NOS1AP: variants seen among roughly 807,000 people sequenced by gnomAD.
NOS1AP encodes nitric oxide synthase 1 adaptor protein, also known as carboxyl-terminal PDZ ligand of neuronal nitric oxide synthase protein.
In NOS1AP, 21 loss-of-function variants were observed where a neutral mutation model predicts 56.2. The observed-to-expected ratio is 0.37, with a 90% CI of 0.26 to 0.54. The LOEUF is 0.54. Among genes scored for constraint, NOS1AP ranks in the 20% least tolerant of loss-of-function variants. NOS1AP has a pLI of 0.84. For missense variants in NOS1AP, 522 were observed against 657.8 expected (o/e 0.79, Z 2.26); for synonymous variants, 270 against 274.6 (o/e 0.98, Z 0.17).
rs375467260 is a variant in NOS1AP at position 162,291,972 on chromosome 1, G to A, written c.270+4536G>A. 1.1e-4 allele frequency among the ~76,000 whole-genome samples: 16 copies of A among 152,286 alleles called. No individual in the cohort carries two copies. The East Asian group carries it at 3.1e-3, about 29-fold the overall frequency. ...AAGACTAGTCTTGAACTTCATCCAA[G>A]GGATTTTTCTAATAAAGGACCCAAA... On this transcript the variant is annotated intron_variant, in intron 3 of 9. Coordinates refer to ENST00000361897, the MANE Select transcript of NOS1AP (RefSeq NM_014697.3).
chr1:162,070,082 G>T lies in NOS1AP; in HGVS notation c.-96G>T. On this transcript the variant is annotated 5_prime_UTR_variant, in exon 1 of 10. Coordinates refer to ENST00000361897, the MANE Select transcript of NOS1AP (RefSeq NM_014697.3). ...CCAGCGCTCCCAGGCCCCGCCACGC[G>T]TCGCCGCGCCCAGCTCCAGTCTCCC... 2 of 1,014,418 alleles carry T rather than the reference G, an allele frequency of 2.0e-6. No individual in the cohort carries two copies. The highest frequency in any genetic ancestry group is 4.0e-5 in the Admixed American group (2 of 50,446). 62.8% of individuals were successfully genotyped at this position (1,014,418 alleles called of 1,614,324 possible).
intron 3 of NOS1AP, among the ~76,000 whole-genome samples, chr1:162,297,414 C>T (rs1655500466): frequency 6.6e-6 from 1 of 152,210 alleles, no homozygotes. Context: ...GAGGTGGGCC[C>T]TGGCCTGAGA....
intron 2 of NOS1AP, among the ~76,000 whole-genome samples, chr1:162,185,914 G>A (rs1050615584): frequency 6.6e-6 from 1 of 152,174 alleles, no homozygotes; most frequent in East Asian, 1.9e-4. Flanking sequence ...GAGTTACTGA[G>A]GTTCTGAGAT....
chr1:162,333,932 A>G (rs1459643622), intron 5 of NOS1AP, among the ~76,000 whole-genome samples: 1 of 152,200 alleles, frequency 6.6e-6, no homozygotes, highest in African/African-American at 2.4e-5. Flanking sequence ...ATGTGTTAAT[A>G]TCCTGGGAAC....
intron 2 of NOS1AP, among the ~76,000 whole-genome samples, chr1:162,269,574 C>A (rs1654522899): frequency 6.6e-6 from 1 of 152,164 alleles, no homozygotes; most frequent in East Asian, 1.9e-4. Flanking sequence ...GAACTCAGTT[C>A]ATTTTTGCCT....
At chr1:162,127,205 T>C (rs1006471195) in intron 1 of NOS1AP, among the ~76,000 whole-genome samples, 1 of 152,204 alleles carries the variant, frequency 6.6e-6, no homozygotes, top group Admixed American at 6.5e-5. Context: ...AAGCTTTTTT[T>C]CTACTTTGTC....
chr1:162,362,652 T>G (rs1657944087), intron 8 of NOS1AP, among the ~76,000 whole-genome samples: 1 of 152,212 alleles, frequency 6.6e-6, no homozygotes, highest in African/African-American at 2.4e-5. Flanking sequence ...ATGAATAATT[T>G]AGTAATTTTA....
intron 2 of NOS1AP, among the ~76,000 whole-genome samples, chr1:162,214,265 GTTCGTTCA>G (rs1422172611): frequency 1.6e-5 from 2 of 128,818 alleles, no homozygotes; most frequent in African/African-American, 5.2e-5. Flanking sequence ...TCATTCGTTC[GTTCGTTCA>G]TTCATTCATT....
chr1:162,365,369 G>A (rs1571249467), intron 8 of NOS1AP, 35 bp from the exon 9 acceptor site: 2 of 1,613,868 alleles, frequency 1.2e-6, no homozygotes, highest in Non-Finnish European at 1.7e-6. Flanking sequence ...TCTTCTCTCT[G>A]TCCTGTCTTC....
intron 1 of NOS1AP, among the ~76,000 whole-genome samples, chr1:162,089,066 T>G (rs1177952667): frequency 6.6e-6 from 1 of 152,202 alleles, no homozygotes; most frequent in Non-Finnish European, 1.5e-5. Flanking sequence ...AATGCAAAAT[T>G]GTATTTCAAG....
chr1:162,268,980 G>C (rs1654507989), intron 2 of NOS1AP, among the ~76,000 whole-genome samples: 1 of 152,126 alleles, frequency 6.6e-6, no homozygotes, highest in South Asian at 2.1e-4. Context: ...CAAATTCATA[G>C]ATTTAAGTTT....
At chr1:162,129,550 ATC>A (rs1479718303) in intron 1 of NOS1AP, among the ~76,000 whole-genome samples, 1 of 152,098 alleles carries the variant, frequency 6.6e-6, no homozygotes, top group African/African-American at 2.4e-5. Context: ...GCTGTCCCTG[ATC>A]TCTGTTTCAT....
intron 2 of NOS1AP, among the ~76,000 whole-genome samples, chr1:162,182,012 A>G (rs1248190608): frequency 6.6e-6 from 1 of 152,128 alleles, no homozygotes; most frequent in African/African-American, 2.4e-5. Flanking sequence ...CAGTGCTTCT[A>G]TTTACATTGT....
intron 5 of NOS1AP, among the ~76,000 whole-genome samples, chr1:162,336,090 A>C (rs768769167): frequency 6.6e-6 from 1 of 152,152 alleles, no homozygotes; most frequent in Non-Finnish European, 1.5e-5. Context: ...GGTACCTGCT[A>C]TTCTTCTATA....
At chr1:162,288,351 T>G (rs1233829220) in intron 3 of NOS1AP, among the ~76,000 whole-genome samples, 1 of 152,240 alleles carries the variant, frequency 6.6e-6, no homozygotes, top group Non-Finnish European at 1.5e-5. Flanking sequence ...GTTCCAAATC[T>G]CAGTCACTCT....
chr1:162,283,144 T>C (rs1654985553), intron 2 of NOS1AP, among the ~76,000 whole-genome samples: 1 of 151,524 alleles, frequency 6.6e-6, no homozygotes. Flanking sequence ...GATATGTTAA[T>C]ATACATATAT....
intron 2 of NOS1AP, among the ~76,000 whole-genome samples, chr1:162,259,882 G>A (rs781124461): frequency 6.6e-6 from 1 of 152,112 alleles, no homozygotes; most frequent in Non-Finnish European, 1.5e-5. Flanking sequence ...ATTTGTAGTT[G>A]TAAAAATCTG....
At chr1:162,330,842 A>G (rs922911872) in intron 4 of NOS1AP, among the ~76,000 whole-genome samples, 3 of 152,200 alleles carry the variant, frequency 2.0e-5, no homozygotes, top group Non-Finnish European at 4.4e-5. Flanking sequence ...AGAGAAAAAC[A>G]TAAATCAGAG....
At chr1:162,237,064 C>T (rs528130959) in intron 2 of NOS1AP, among the ~76,000 whole-genome samples, 94 of 152,316 alleles carry the variant, frequency 6.2e-4, no homozygotes, top group African/African-American at 2.0e-3. Context: ...GCTCGTTTCC[C>T]GTTTACCACT....
Sources: gnomAD v4.1 joint callset for allele counts (sites outside exome capture counted in the v4.1 genomes callset) on GRCh38, gnomAD v4.1.1 for gene constraint, MANE v1.5 for transcripts, NCBI Gene and HGNC (gene_info 2026-07-23, HGNC 2026-07-21) for gene names.